Variants in CACHD1 observed in about 807,000 individuals in gnomAD.
CACHD1 encodes the protein VWFA and cache domain-containing protein 1.
A neutral mutation model predicts 138.7 loss-of-function variants in CACHD1; 71 were observed. That is an observed-to-expected ratio of 0.51 (90% CI 0.42 to 0.62). The LOEUF is 0.62. Ranked by LOEUF, CACHD1 falls within the 20% of genes least tolerant of loss-of-function variation. The pLI is 0.00. For synonymous variants in CACHD1, 578 were observed against 591.5 expected (o/e 0.98, Z 0.33); for missense variants, 1,389 against 1,625.3 (o/e 0.85, Z 2.50).
rs1553146851 is a variant in CACHD1 at position 64,681,541 on chromosome 1, G to GGTTTTTTTTTTTTTTTT, written c.3484+206_3484+207insGTTTTTTTTTTTTTTTT. On this transcript the variant is annotated intron_variant, in intron 25 of 26. Transcript: ENST00000651257. ...AGAGAATCTCAAAAGATTTTATTGT[G>GGTTTTTTTTTTTTTTTT]TTTTTTTTTTTTTTTTTTTTTTTGC... Among the ~76,000 whole-genome samples the GGTTTTTTTTTTTTTTTT allele has an allele frequency of 1.8e-3, 120 of 68,144 alleles. 15 individuals are homozygous for GGTTTTTTTTTTTTTTTT. Among genetic ancestry groups the GGTTTTTTTTTTTTTTTT allele is most frequent in the African/African-American group, 8.1e-3 (111 of 13,658 alleles). 44.7% of individuals were successfully genotyped at this position (68,144 alleles called of 152,430 possible). A position where few individuals can be genotyped will look rare whatever the true frequency, so the allele number is the denominator to read the frequency against.
At chr1:64,588,638 A>G (rs937774413) in intron 3 of CACHD1, among the ~76,000 whole-genome samples, 3 of 152,138 alleles carry the variant, frequency 2.0e-5, no homozygotes, top group African/African-American at 7.2e-5. Context: ...TCAGCCTCCC[A>G]AAGTGCTGGG....
chr1:64,634,733 G>A (rs1010678690), intron 7 of CACHD1, among the ~76,000 whole-genome samples: 19 of 151,986 alleles, frequency 1.3e-4, no homozygotes, highest in Non-Finnish European at 7.4e-5. Context: ...GGTGGCTCAC[G>A]CCTATAATCC....
intron 1 of CACHD1, among the ~76,000 whole-genome samples, chr1:64,546,636 T>C (rs897627638): frequency 6.6e-6 from 1 of 152,182 alleles, no homozygotes; most frequent in African/African-American, 2.4e-5. Context: ...TCCCAGTGGC[T>C]GATCATTTTC....
At chr1:64,629,828 A>G (rs546849717) in intron 5 of CACHD1, among the ~76,000 whole-genome samples, 1 of 152,288 alleles carries the variant, frequency 6.6e-6, no homozygotes, top group South Asian at 2.1e-4. Context: ...CTTGAACATA[A>G]CTTTATAACA....
At chr1:64,640,353 A>G (rs1218477641) in intron 7 of CACHD1, among the ~76,000 whole-genome samples, 1 of 152,192 alleles carries the variant, frequency 6.6e-6, no homozygotes, top group Non-Finnish European at 1.5e-5. Context: ...ATTTCTCAGT[A>G]AAAAGATAAA....
chr1:64,539,853 T>C (rs1008618599), intron 1 of CACHD1, among the ~76,000 whole-genome samples: 22 of 152,230 alleles, frequency 1.4e-4, no homozygotes, highest in Non-Finnish European at 2.6e-4. Flanking sequence ...CAAAGGCAAG[T>C]CCAAGTTTCT....
chr1:64,650,665 G>A (rs1413101970), intron 9 of CACHD1, among the ~76,000 whole-genome samples: 2 of 152,214 alleles, frequency 1.3e-5, no homozygotes, highest in African/African-American at 2.4e-5. Context: ...ACCTCAAGTG[G>A]ACATCATATG....
chr1:64,529,501 T>A (rs888290077), intron 1 of CACHD1, among the ~76,000 whole-genome samples: 2 of 152,240 alleles, frequency 1.3e-5, no homozygotes, highest in Admixed American at 6.5e-5. Flanking sequence ...AGAATCATCA[T>A]CTTCTTCTAG....
intron 9 of CACHD1, among the ~76,000 whole-genome samples, chr1:64,651,516 A>T (rs1438537890): frequency 1.3e-5 from 2 of 152,188 alleles, no homozygotes; most frequent in East Asian, 3.8e-4. Context: ...TGAGCCAGAC[A>T]CAGTGGCTCA....
rs551616431 is a variant in CACHD1 at position 64,512,393 on chromosome 1, C to CAAAAAAAAAAAAAAAAA, written c.199-38191_199-38175dup. On this transcript the variant is annotated intron_variant, in intron 1 of 26. Transcript: ENST00000651257. ...TCGGTGACACAGTGAGACTGTGTCT[C>CAAAAAAAAAAAAAAAAA]AAAAAAAAAAAAAAAAAAAAAAAAA... 2.7e-4 allele frequency among the ~76,000 whole-genome samples: 21 copies of CAAAAAAAAAAAAAAAAA among 78,594 alleles called. 2 individuals carry two copies. Among genetic ancestry groups the CAAAAAAAAAAAAAAAAA allele is most frequent in the African/African-American group, 1.1e-3 (17 of 15,576 alleles). 51.6% of individuals were successfully genotyped at this position (78,594 alleles called of 152,430 possible). A position where few individuals can be genotyped will look rare whatever the true frequency, so the allele number is the denominator to read the frequency against.
intron 7 of CACHD1, among the ~76,000 whole-genome samples, chr1:64,637,586 AT>A (rs926421330): frequency 4.7e-4 from 71 of 152,068 alleles, no homozygotes; most frequent in African/African-American, 1.6e-3. Context: ...TCTCCTCTGG[AT>A]TTTTCTGTGT....
At chr1:64,548,533 C>T (rs941778522) in intron 1 of CACHD1, among the ~76,000 whole-genome samples, 2 of 152,102 alleles carry the variant, frequency 1.3e-5, no homozygotes, top group Non-Finnish European at 2.9e-5. Context: ...TAAGATGTCC[C>T]CCAAAGATCT....
intron 21 of CACHD1, 23 bp from the exon 22 acceptor site, chr1:64,676,872 C>T (rs747092038): frequency 6.3e-7 from 1 of 1,596,520 alleles, no homozygotes; most frequent in Admixed American, 1.7e-5. Flanking sequence ...TCGTCTTAAC[C>T]TCCAGACTTA....
At chr1:64,498,434 A>T (rs1222990132) in intron 1 of CACHD1, among the ~76,000 whole-genome samples, 1 of 152,170 alleles carries the variant, frequency 6.6e-6, no homozygotes, top group African/African-American at 2.4e-5. Context: ...TATTTCTGAG[A>T]TTTTTAAAGT....
intron 3 of CACHD1, among the ~76,000 whole-genome samples, chr1:64,588,051 C>T (rs184970012): frequency 6.6e-5 from 10 of 152,292 alleles, no homozygotes; most frequent in Admixed American, 5.2e-4. Context: ...AGCAGCTCCC[C>T]TTTCAGGACA....
At position 64,632,806 on chromosome 1, in the gene CACHD1, C is replaced by T. The variant is rs1196638217; in HGVS notation, c.789+63C>T. Reference sequence around the variant, plus strand: ...CTCCTTGAATGCCTTTTTTAAAGTACTTTATTGTTTTGTGATATACAGATC... The same window carrying T: ...CTCCTTGAATGCCTTTTTTAAAGTATTTTATTGTTTTGTGATATACAGATC... On this transcript the variant is annotated intron_variant, in intron 6 of 26. Transcript: ENST00000651257. 58 of 1,574,222 alleles carry T rather than the reference C, an allele frequency of 3.7e-5. 3 individuals carry two copies. In the East Asian group the frequency reaches 9.2e-4, roughly 25 times the overall value.
At chr1:64,585,094 A>G (rs1044659182) in intron 3 of CACHD1, among the ~76,000 whole-genome samples, 1 of 152,246 alleles carries the variant, frequency 6.6e-6, no homozygotes, top group African/African-American at 2.4e-5. Flanking sequence ...CTAAATTTCT[A>G]GCAATAGAGG....
intron 1 of CACHD1, among the ~76,000 whole-genome samples, chr1:64,546,257 G>A (rs1200521342): frequency 1.3e-5 from 2 of 152,172 alleles, no homozygotes; most frequent in Non-Finnish European, 2.9e-5. Flanking sequence ...CCCTGTTACT[G>A]TGAGTAAATC....
At chr1:64,612,215 A>G (rs925122246) in intron 4 of CACHD1, among the ~76,000 whole-genome samples, 1 of 152,222 alleles carries the variant, frequency 6.6e-6, no homozygotes, top group African/African-American at 2.4e-5. Flanking sequence ...CATGAACCAT[A>G]AAAGCATAAT....
Sources: gnomAD v4.1 joint callset for allele counts (sites outside exome capture counted in the v4.1 genomes callset) on GRCh38, gnomAD v4.1.1 for gene constraint, MANE v1.5 for transcripts, NCBI Gene and HGNC (gene_info 2026-07-23, HGNC 2026-07-21) for gene names.